The following RAPGEF4 variants were observed in gnomAD, a reference collection of about 807,000 sequenced individuals.
The protein encoded by RAPGEF4 is Rap guanine nucleotide exchange factor 4.
A neutral mutation model predicts 147.9 loss-of-function variants in RAPGEF4; 66 were observed. The ratio of observed to expected loss-of-function variants is 0.45; its 90% CI spans 0.37 to 0.55. The LOEUF is 0.55. Among genes scored for constraint, RAPGEF4 ranks in the 20% least tolerant of loss-of-function variants. The pLI is 0.00. For missense variants in RAPGEF4, 1,071 were observed against 1,257.3 expected, an observed-to-expected ratio of 0.85 and a Z score of 2.24; for synonymous variants, 419 against 442.7, an observed-to-expected ratio of 0.95 and a Z score of 0.67.
intron 4 of RAPGEF4, among the ~76,000 whole-genome samples, chr2:172,895,703 G>A (rs72908248): frequency 0.016 from 2,376 of 152,208 alleles, 25 homozygotes; most frequent in South Asian, 0.037. Context: ...GTCACCAAGG[G>A]CACTCAGAGA....
intron 10 of RAPGEF4, among the ~76,000 whole-genome samples, chr2:172,983,043 T>G (rs1399427063): frequency 6.6e-6 from 1 of 152,232 alleles, no homozygotes; most frequent in Non-Finnish European, 1.5e-5. Flanking sequence ...GACAGTGGCA[T>G]TATTATTCTG....
chr2:172,995,464 G>C (rs1693258465), intron 15 of RAPGEF4, among the ~76,000 whole-genome samples: 1 of 152,154 alleles, frequency 6.6e-6, no homozygotes. Flanking sequence ...TATTTTAGTA[G>C]AGACGGGGCT....
intron 6 of RAPGEF4, among the ~76,000 whole-genome samples, chr2:172,934,580 G>C (rs981255260): frequency 1.2e-4 from 18 of 152,142 alleles, no homozygotes; most frequent in Admixed American, 1.2e-3. Context: ...ACCACCTAAT[G>C]GGGGAGAGAG....
intron 23 of RAPGEF4, among the ~76,000 whole-genome samples, chr2:173,025,325 G>C (rs1263763319): frequency 1.3e-5 from 2 of 152,186 alleles, no homozygotes; most frequent in Non-Finnish European, 2.9e-5. Flanking sequence ...AGAATGCAGT[G>C]GGAGTTTGTA....
At chr2:172,992,174 G>A (rs1692901758) in intron 15 of RAPGEF4, among the ~76,000 whole-genome samples, 1 of 152,108 alleles carries the variant, frequency 6.6e-6, no homozygotes, top group Non-Finnish European at 1.5e-5. Flanking sequence ...CATATCGAAA[G>A]AACTGACATC....
rs546123490 is a variant in RAPGEF4, at chr2:172,798,211, T to A, written c.297+598T>A. On this transcript the variant is annotated intron_variant, in intron 3 of 30. Coordinates refer to ENST00000397081, the MANE Select transcript of RAPGEF4 (RefSeq NM_007023.4). Reference sequence around the variant, plus strand: ...CTGAGGAGTTTGGCATCCTAGTAGATGAAACTCATTCTTTTTCTGTTCACA... The same window carrying A: ...CTGAGGAGTTTGGCATCCTAGTAGAAGAAACTCATTCTTTTTCTGTTCACA... 1.8e-4 allele frequency among the ~76,000 whole-genome samples: 27 copies of A among 152,024 alleles called. No individual in the cohort carries two copies. The South Asian group carries it at 5.4e-3, about 30-fold the overall frequency.
At chr2:172,850,496 T>C (rs1692688739) in intron 4 of RAPGEF4, among the ~76,000 whole-genome samples, 1 of 151,884 alleles carries the variant, frequency 6.6e-6, no homozygotes, top group Admixed American at 6.6e-5. Flanking sequence ...CGGGCACCTA[T>C]AGTCCCAGCT....
rs183851232 is a variant in RAPGEF4, at chr2:172,941,688, G to C, written c.538-19072G>C. On this transcript the variant is annotated intron_variant, in intron 6 of 30. Transcript: ENST00000397081. ...GGAAACTGTATTACGGCAGTACATC[G>C]TAGGAGTAAACCAGCAAGGAGACTG... Among the ~76,000 whole-genome samples, 163 of 152,236 alleles carry C rather than the reference G, an allele frequency of 1.1e-3. 1 individual carries two copies. The highest frequency in any genetic ancestry group is 7.6e-3 in the Admixed American group (116 of 15,274).
intron 1 of RAPGEF4, among the ~76,000 whole-genome samples, chr2:172,791,514 G>A (rs909355303): frequency 1.3e-5 from 2 of 152,140 alleles, no homozygotes; most frequent in South Asian, 2.1e-4. Context: ...TCCAGAGATC[G>A]AATAGTAAAG....
At position 173,024,212 on chromosome 2, in the gene RAPGEF4, T is replaced by TTTA. The variant is rs1696412269; in HGVS notation, c.2254-2354_2254-2352dup. Among the ~76,000 whole-genome samples the TTTA allele has an allele frequency of 6.1e-5, 3 of 49,366 alleles. 1 individual carries two copies. Among genetic ancestry groups the TTTA allele is most frequent in the Admixed American group, 2.6e-4 (1 of 3,818 alleles). 32.4% of individuals were successfully genotyped at this position (49,366 alleles called of 152,430 possible). A position where few individuals can be genotyped will look rare whatever the true frequency, so the allele number is the denominator to read the frequency against. Reference sequence around the variant, plus strand: ...TTGCATTGCTACAGCACTTCTTTTTTTTATTATTTTTTTTTTTTTTTTTGA... The same window carrying TTTA: ...TTGCATTGCTACAGCACTTCTTTTTTTTATTATTATTTTTTTTTTTTTTTTTGA... On this transcript the variant is annotated intron_variant, in intron 23 of 30. Transcript: ENST00000397081.
chr2:172,981,497 C>T (rs1691680258), intron 10 of RAPGEF4, among the ~76,000 whole-genome samples: 1 of 152,182 alleles, frequency 6.6e-6, no homozygotes, highest in Non-Finnish European at 1.5e-5. Context: ...CCCATACTTT[C>T]TGGGTTCCAC....
intron 1 of RAPGEF4, 63 bp downstream of exon 1, chr2:172,736,111 G>C: frequency 7.8e-7 from 1 of 1,286,344 alleles, no homozygotes; most frequent in Non-Finnish European, 1.0e-6. Flanking sequence ...CCCTGAGACC[G>C]CCGCAGCTCC....
chr2:172,828,277 C>T (rs896739195), intron 4 of RAPGEF4, among the ~76,000 whole-genome samples: 10 of 152,116 alleles, frequency 6.6e-5, no homozygotes, highest in African/African-American at 1.7e-4. Context: ...GCGTCGCATT[C>T]GTAAGGCCGA....
intron 22 of RAPGEF4, among the ~76,000 whole-genome samples, chr2:173,019,294 C>T (rs1453830171): frequency 6.6e-6 from 1 of 152,246 alleles, no homozygotes; most frequent in Non-Finnish European, 1.5e-5. Context: ...CACGGGATTA[C>T]AGTTCCTTTC....
At chr2:172,964,401 ATTTTTTTTTT>A (rs11374637) in intron 8 of RAPGEF4, among the ~76,000 whole-genome samples, 1 of 115,166 alleles carries the variant, frequency 8.7e-6, no homozygotes, top group Non-Finnish European at 1.7e-5. Flanking sequence ...TGCTCCTCCT[ATTTTTTTTTT>A]TTTTTTTTTT....
chr2:172,919,475 C>G (rs1575238616), intron 5 of RAPGEF4, among the ~76,000 whole-genome samples: 1 of 152,270 alleles, frequency 6.6e-6, no homozygotes, highest in East Asian at 1.9e-4. Context: ...CTGTGTTATC[C>G]TGGCTTCCTC....
At chr2:172,847,895 T>C (rs1692378801) in intron 4 of RAPGEF4, among the ~76,000 whole-genome samples, 1 of 152,212 alleles carries the variant, frequency 6.6e-6, no homozygotes, top group East Asian at 1.9e-4. Flanking sequence ...TGGTTATTGA[T>C]TGGGGCCCAT....
intron 4 of RAPGEF4, among the ~76,000 whole-genome samples, chr2:172,858,150 C>G (rs1308248837): frequency 6.6e-6 from 1 of 152,154 alleles, no homozygotes; most frequent in East Asian, 1.9e-4. Flanking sequence ...CAAGACCAGG[C>G]TTGAGCAATT....
intron 24 of RAPGEF4, 53 bp downstream of exon 24, chr2:173,026,750 G>A: frequency 6.3e-7 from 1 of 1,593,944 alleles, no homozygotes. Flanking sequence ...GATAAAGGCT[G>A]CTGGCATTGC....
Sources: gnomAD v4.1 joint callset for allele counts (sites outside exome capture counted in the v4.1 genomes callset) on GRCh38, gnomAD v4.1.1 for gene constraint, MANE v1.5 for transcripts, NCBI Gene and HGNC (gene_info 2026-07-23, HGNC 2026-07-21) for gene names.